The following CATSPERT variants were observed in gnomAD, a reference collection of about 807,000 sequenced individuals.
CATSPERT encodes the protein cation channel sperm-associated targeting subunit tau.
chr2:201,596,554 T>C, the CATSPERT span, among the ~76,000 whole-genome samples: 2 of 152,226 alleles, frequency 1.3e-5, no homozygotes, highest in Non-Finnish European at 2.9e-5. Context: ...AGCCTGCACA[T>C]GTACCCCAGA....
At chr2:201,604,535 C>A in the CATSPERT span, 2 of 875,488 alleles carry the variant, frequency 2.3e-6, no homozygotes, top group South Asian at 2.4e-5. Context: ...TCAGAGAGAA[C>A]CATTTTCTGC....
At chr2:201,572,318 T>G in the CATSPERT span, among the ~76,000 whole-genome samples, 1 of 152,110 alleles carries the variant, frequency 6.6e-6, no homozygotes, top group African/African-American at 2.4e-5. Flanking sequence ...GATCAGTAAT[T>G]TGTTCAAGGC....
chr2:201,494,721 T>G, the CATSPERT span: 25 of 1,529,550 alleles, frequency 1.6e-5, no homozygotes, highest in Non-Finnish European at 2.1e-5. Flanking sequence ...TTATATTCCT[T>G]AGAAAAGGAT....
At chr2:201,560,320 G>A in the CATSPERT span, among the ~76,000 whole-genome samples, 11 of 151,784 alleles carry the variant, frequency 7.2e-5, no homozygotes, top group Non-Finnish European at 1.6e-4. Context: ...GCTACTCGGA[G>A]GCTGAGGCAC....
chr2:201,615,393 T>G, the CATSPERT span, among the ~76,000 whole-genome samples: 1 of 152,172 alleles, frequency 6.6e-6, no homozygotes, highest in Non-Finnish European at 1.5e-5. Flanking sequence ...CAACTCAGGA[T>G]TAAGAAACTC....
the CATSPERT span, chr2:201,492,941 G>T: frequency 6.5e-7 from 1 of 1,536,306 alleles, no homozygotes; most frequent in East Asian, 2.4e-5. Flanking sequence ...AGAAACACAC[G>T]CAACTTTGGA....
At chr2:201,512,935 G>T in the CATSPERT span, among the ~76,000 whole-genome samples, 7 of 149,752 alleles carry the variant, frequency 4.7e-5, no homozygotes, top group African/African-American at 1.7e-4. Flanking sequence ...CTGTTGTGGG[G>T]TGGGGGGAGG....
the CATSPERT span, among the ~76,000 whole-genome samples, chr2:201,585,251 G>A: frequency 6.6e-6 from 1 of 151,994 alleles, no homozygotes; most frequent in African/African-American, 2.4e-5. Context: ...GGGGGATAAG[G>A]GAGGGATAAC....
At chr2:201,613,342 C>CT in the CATSPERT span, among the ~76,000 whole-genome samples, 11 of 152,306 alleles carry the variant, frequency 7.2e-5, no homozygotes, top group African/African-American at 2.6e-4. Flanking sequence ...GGGTGCCCCT[C>CT]TGAGACAACG....
the CATSPERT span, among the ~76,000 whole-genome samples, chr2:201,502,038 G>A: frequency 0.067 from 10,121 of 152,086 alleles, 704 homozygotes; most frequent in East Asian, 0.26. Flanking sequence ...AGCTTAGAAC[G>A]GACATATACA....
At chr2:201,578,037 A>C in the CATSPERT span, among the ~76,000 whole-genome samples, 1 of 151,554 alleles carries the variant, frequency 6.6e-6, no homozygotes, top group African/African-American at 2.4e-5. Context: ...ATTTATGGGC[A>C]AACAGAGGAA....
chr2:201,593,090 A>T, the CATSPERT span, among the ~76,000 whole-genome samples: 3 of 151,206 alleles, frequency 2.0e-5, no homozygotes, highest in African/African-American at 7.3e-5. Flanking sequence ...TCAATTTTAG[A>T]TCTTTCCTGC....
At chr2:201,617,790 A>C in the CATSPERT span, among the ~76,000 whole-genome samples, 1 of 152,316 alleles carries the variant, frequency 6.6e-6, no homozygotes, top group East Asian at 1.9e-4. Flanking sequence ...AATGGGAGAA[A>C]ATTTTTGCAA....
the CATSPERT span, among the ~76,000 whole-genome samples, chr2:201,556,476 C>G: frequency 6.7e-6 from 1 of 148,714 alleles, no homozygotes; most frequent in African/African-American, 2.5e-5. Context: ...GCCATTGACT[C>G]CAGCCTGGGC....
At chr2:201,566,059 T>C in the CATSPERT span, among the ~76,000 whole-genome samples, 1 of 152,140 alleles carries the variant, frequency 6.6e-6, no homozygotes, top group Non-Finnish European at 1.5e-5. Context: ...GCTCTCTTGA[T>C]TATCCTTACT....
At chr2:201,487,529 G>C in the CATSPERT span, 1 of 1,268,204 alleles carries the variant, frequency 7.9e-7, no homozygotes, top group East Asian at 2.4e-5. Context: ...TTTGTTAATG[G>C]AGAAGTGATA....
At chr2:201,619,097 T>C in the CATSPERT span, 1 of 1,614,210 alleles carries the variant, frequency 6.2e-7, no homozygotes, top group Non-Finnish European at 8.5e-7. Context: ...TCAAGTGTGC[T>C]GAAAGGCCTA....
chr2:201,598,175 C>T, the CATSPERT span, among the ~76,000 whole-genome samples: 8 of 152,178 alleles, frequency 5.3e-5, no homozygotes, highest in African/African-American at 1.9e-4. Flanking sequence ...GATCATGGCT[C>T]ACTGCAGCCT....
At chr2:201,488,803 A>G in the CATSPERT span, among the ~76,000 whole-genome samples, 1 of 152,234 alleles carries the variant, frequency 6.6e-6, no homozygotes, top group Non-Finnish European at 1.5e-5. Context: ...AAGACTGTAT[A>G]ACGAGTCTAA....
Sources: gnomAD v4.1 joint callset for allele counts (sites outside exome capture counted in the v4.1 genomes callset) on GRCh38, gnomAD v4.1.1 for gene constraint, MANE v1.5 for transcripts, NCBI Gene and HGNC (gene_info 2026-07-23, HGNC 2026-07-21) for gene names.